Variants in SAMTOR observed in about 807,000 individuals in gnomAD.
SAMTOR encodes S-adenosylmethionine sensor upstream of mTORC1, also known as UPF0532 protein C7orf60.
chr7:112,918,762 G>A, the SAMTOR span, among the ~76,000 whole-genome samples: 1 of 152,132 alleles, frequency 6.6e-6, no homozygotes, highest in Admixed American at 6.5e-5. Context: ...GATCTACCAA[G>A]CAAATGGAAA....
the SAMTOR span, among the ~76,000 whole-genome samples, chr7:112,828,341 A>T: frequency 6.6e-6 from 1 of 152,110 alleles, no homozygotes; most frequent in Non-Finnish European, 1.5e-5. Context: ...GAATCTAATC[A>T]ATGCCTCTTG....
At chr7:112,877,711 T>C in the SAMTOR span, among the ~76,000 whole-genome samples, 1 of 151,882 alleles carries the variant, frequency 6.6e-6, no homozygotes, top group African/African-American at 2.4e-5. Context: ...TGGTAGGAGG[T>C]GTCTAGATCA....
At chr7:112,916,888 G>A in the SAMTOR span, among the ~76,000 whole-genome samples, 1,195 of 152,344 alleles carry the variant, frequency 7.8e-3, 6 homozygotes, top group Middle Eastern at 0.017. Context: ...GCGAGACTGG[G>A]GGAGGGGCGC....
At chr7:112,846,106 A>G in the SAMTOR span, among the ~76,000 whole-genome samples, 1 of 148,628 alleles carries the variant, frequency 6.7e-6, no homozygotes, top group African/African-American at 2.5e-5. Flanking sequence ...ACTGTTGGGT[A>G]CTAGGTTTAG....
chr7:112,872,035 C>G, the SAMTOR span, among the ~76,000 whole-genome samples: 3 of 152,074 alleles, frequency 2.0e-5, no homozygotes, highest in African/African-American at 7.2e-5. Context: ...CCGAATTCTA[C>G]CAGAAGCACA....
chr7:112,821,992 T>C, the SAMTOR span: 11 of 1,613,524 alleles, frequency 6.8e-6, no homozygotes, highest in Non-Finnish European at 9.3e-6. Flanking sequence ...CTTGTGGTTT[T>C]TAGAGAGATT....
At chr7:112,876,593 TCA>T in the SAMTOR span, among the ~76,000 whole-genome samples, 2 of 152,188 alleles carry the variant, frequency 1.3e-5, no homozygotes, top group African/African-American at 4.8e-5. Flanking sequence ...TACCCAGAGT[TCA>T]CAGTCTCATC....
At chr7:112,933,339 CTTA>C in the SAMTOR span, among the ~76,000 whole-genome samples, 1 of 152,120 alleles carries the variant, frequency 6.6e-6, no homozygotes, top group African/African-American at 2.4e-5. Context: ...ATGTGCCTGA[CTTA>C]TTTAGACACT....
the SAMTOR span, among the ~76,000 whole-genome samples, chr7:112,907,836 TAC>T: frequency 8.1e-6 from 1 of 124,006 alleles, no homozygotes; most frequent in African/African-American, 2.8e-5. Context: ...TGGGTATTCT[TAC>T]TTACTTATTT....
At chr7:112,920,468 C>T in the SAMTOR span, among the ~76,000 whole-genome samples, 3 of 149,270 alleles carry the variant, frequency 2.0e-5, no homozygotes, top group Non-Finnish European at 3.0e-5. Context: ...TAAGAGCTAT[C>T]TATGACAAAC....
At chr7:112,880,239 A>G in the SAMTOR span, among the ~76,000 whole-genome samples, 7 of 152,190 alleles carry the variant, frequency 4.6e-5, no homozygotes, top group African/African-American at 1.7e-4. Flanking sequence ...TATAATCATC[A>G]CTATTTTCAT....
At chr7:112,852,171 C>T in the SAMTOR span, among the ~76,000 whole-genome samples, 1 of 152,148 alleles carries the variant, frequency 6.6e-6, no homozygotes, top group Non-Finnish European at 1.5e-5. Context: ...GATCACAGCA[C>T]TATCTACAAT....
chr7:112,825,299 T>C, the SAMTOR span, among the ~76,000 whole-genome samples: 1 of 152,184 alleles, frequency 6.6e-6, no homozygotes, highest in South Asian at 2.1e-4. Flanking sequence ...AATGCTGCGG[T>C]TACAGGTGTG....
chr7:112,932,435 A>C, the SAMTOR span, among the ~76,000 whole-genome samples: 1 of 152,250 alleles, frequency 6.6e-6, no homozygotes, highest in Non-Finnish European at 1.5e-5. Flanking sequence ...AGACATGAGC[A>C]TAAATTAGAA....
At chr7:112,845,814 C>T in the SAMTOR span, among the ~76,000 whole-genome samples, 1 of 152,240 alleles carries the variant, frequency 6.6e-6, no homozygotes, top group Non-Finnish European at 1.5e-5. Context: ...TTGACAGTAG[C>T]AAAGACGTGG....
At chr7:112,853,004 T>C in the SAMTOR span, among the ~76,000 whole-genome samples, 4 of 152,096 alleles carry the variant, frequency 2.6e-5, no homozygotes, top group African/African-American at 9.7e-5. Flanking sequence ...CTTTTCAGCA[T>C]ATCTGCCCTA....
the SAMTOR span, among the ~76,000 whole-genome samples, chr7:112,850,798 T>A: frequency 7.9e-5 from 12 of 152,310 alleles, no homozygotes; most frequent in South Asian, 8.3e-4. Flanking sequence ...AATCACCTTT[T>A]TTCCCTCAGT....
At chr7:112,858,896 T>C in the SAMTOR span, among the ~76,000 whole-genome samples, 1 of 152,210 alleles carries the variant, frequency 6.6e-6, no homozygotes, top group Non-Finnish European at 1.5e-5. Context: ...ATTAATATTA[T>C]GCATCAACCT....
chr7:112,908,404 C>G, the SAMTOR span, among the ~76,000 whole-genome samples: 1 of 152,174 alleles, frequency 6.6e-6, no homozygotes, highest in Non-Finnish European at 1.5e-5. Flanking sequence ...TAGACTGGAT[C>G]TATACCTTCA....
Sources: gnomAD v4.1 joint callset for allele counts (sites outside exome capture counted in the v4.1 genomes callset) on GRCh38, gnomAD v4.1.1 for gene constraint, MANE v1.5 for transcripts, NCBI Gene and HGNC (gene_info 2026-07-23, HGNC 2026-07-21) for gene names.